The following PRDM16 variants were observed in gnomAD, a reference collection of about 807,000 sequenced individuals.
The protein encoded by PRDM16 is histone-lysine N-methyltransferase PRDM16.
A neutral mutation model predicts 110.6 loss-of-function variants in PRDM16; 23 were observed. The ratio of observed to expected loss-of-function variants is 0.21; its 90% CI spans 0.15 to 0.29. PRDM16 has a LOEUF of 0.29. Among genes scored for constraint, PRDM16 ranks in the 10% least tolerant of loss-of-function variants. The probability of loss-of-function intolerance (pLI) is 1.00; values close to 1 mark genes in which losing one functional copy is unlikely to be tolerated. For synonymous variants in PRDM16, 799 were observed against 781.8 expected, an observed-to-expected ratio of 1.02 and a Z score of -0.37; for missense variants, 1,615 against 1,794.3, an observed-to-expected ratio of 0.90 and a Z score of 1.81.
At chr1:3,136,691 C>T (rs1305928584) in intron 1 of PRDM16, among the ~76,000 whole-genome samples, 1 of 152,146 alleles carries the variant, frequency 6.6e-6, no homozygotes, top group East Asian at 1.9e-4. Context: ...CAGGCATCTC[C>T]TGGCCCCACC....
intron 1 of PRDM16, among the ~76,000 whole-genome samples, chr1:3,178,837 G>T (rs1416464682): frequency 6.6e-6 from 1 of 152,168 alleles, no homozygotes; most frequent in Non-Finnish European, 1.5e-5. Context: ...TACAGGTCTA[G>T]CAAGTCCTCA....
chr1:3,332,678 C>T (rs2483275), intron 3 of PRDM16, among the ~76,000 whole-genome samples: 33,110 of 152,020 alleles, frequency 0.22, 4,548 homozygotes, highest in Middle Eastern at 0.37. Flanking sequence ...TGCCGACTTC[C>T]GAGAGGCTTT....
chr1:3,180,245 C>T (rs564785162), intron 1 of PRDM16, among the ~76,000 whole-genome samples: 2 of 151,844 alleles, frequency 1.3e-5, no homozygotes, highest in Admixed American at 6.6e-5. Flanking sequence ...CAAGGTATCT[C>T]GGAGCCGGGC....
chr1:3,215,600 C>T (rs1297736048), intron 2 of PRDM16, among the ~76,000 whole-genome samples: 5 of 152,210 alleles, frequency 3.3e-5, no homozygotes, highest in Admixed American at 3.3e-4. Context: ...CCCAGAACCC[C>T]ACAGGGGCCC....
At chr1:3,131,537 A>G (rs912291228) in intron 1 of PRDM16, among the ~76,000 whole-genome samples, 1 of 152,256 alleles carries the variant, frequency 6.6e-6, no homozygotes, top group African/African-American at 2.4e-5. Flanking sequence ...AAAAAAATCA[A>G]GTGGACATAA....
intron 3 of PRDM16, among the ~76,000 whole-genome samples, chr1:3,384,714 T>G (rs1292838708): frequency 6.6e-6 from 1 of 152,214 alleles, no homozygotes; most frequent in Non-Finnish European, 1.5e-5. Context: ...CACACACACA[T>G]GCACACCCAG....
intron 10 of PRDM16, among the ~76,000 whole-genome samples, chr1:3,416,251 C>T (rs1167608668): frequency 1.3e-5 from 2 of 152,220 alleles, no homozygotes; most frequent in Admixed American, 1.3e-4. Context: ...GCCCTCTGCT[C>T]CCTACCAGCA....
chr1:3,281,359 A>C (rs1640708383), intron 3 of PRDM16, among the ~76,000 whole-genome samples: 1 of 152,202 alleles, frequency 6.6e-6, no homozygotes, highest in Non-Finnish European at 1.5e-5. Context: ...CGCCCACCCC[A>C]GCCATGGTCA....
intron 2 of PRDM16, among the ~76,000 whole-genome samples, chr1:3,231,328 G>A (rs1424794276): frequency 2.0e-5 from 3 of 150,584 alleles, no homozygotes; most frequent in Admixed American, 1.3e-4. Context: ...TGCACATGCC[G>A]AAAATAGGTG....
In PRDM16 at chr1:3,186,463, T is replaced by G. The variant is rs764416619; in HGVS notation, c.376T>G (p.Phe126Val). 3 of 1,532,826 alleles carry G rather than the reference T, an allele frequency of 2.0e-6. No homozygotes were observed. Among genetic ancestry groups the G allele is most frequent in the South Asian group, 2.5e-5 (2 of 78,960 alleles). The allele number at this position is 1,532,826 out of a possible 1,614,324, so 95.0% of individuals were successfully genotyped here. ...CCGGGCGGCGGCAAAGGAGACAGAC[T>G]TCGGATGGGAGGTGAGCGATCGCGC... ...VPRAAAKETD[F>V]GWEQILTDVE... Residue 126 changes from phenylalanine to valine, a missense_variant, in exon 2 of 17, where the codon TTC becomes GTC. Phe to Val is a conservative substitution (Grantham distance 50). Coordinates refer to ENST00000270722, the MANE Select transcript of PRDM16 (RefSeq NM_022114.4).
intron 14 of PRDM16, among the ~76,000 whole-genome samples, chr1:3,428,782 C>G (rs892119546): frequency 1.1e-4 from 16 of 151,060 alleles, no homozygotes; most frequent in African/African-American, 3.9e-4. Context: ...AGTCCCAGCC[C>G]CCGGTACCTC....
In PRDM16 at chr1:3,135,916, A is replaced by C. The variant is rs559266376; in HGVS notation, c.38-50209A>C. 7.3e-5 allele frequency among the ~76,000 whole-genome samples: 11 copies of C among 149,972 alleles called. No homozygotes were observed. The East Asian group carries it at 2.0e-3, about 27-fold the overall frequency. Reference sequence around the variant, plus strand: ...CAGCCTACAGAGCCTGGGGCTGCAGAGCGGGGCAGGGGCCTCTTGGCGGCC... The same window carrying C: ...CAGCCTACAGAGCCTGGGGCTGCAGCGCGGGGCAGGGGCCTCTTGGCGGCC... On this transcript the variant is annotated intron_variant, in intron 1 of 16. Transcript: ENST00000270722.
Position 3,143,281 on chromosome 1 carries a change from A to T in PRDM16, c.38-42844A>T, listed in dbSNP as rs1234867919. 1.3e-5 allele frequency among the ~76,000 whole-genome samples: 2 copies of T among 151,952 alleles called. No homozygotes were observed. The highest frequency in any genetic ancestry group is 2.9e-5 in the Non-Finnish European group (2 of 67,990). On this transcript the variant is annotated intron_variant, in intron 1 of 16. Transcript: ENST00000270722. The surrounding 1 kb of genome is among the most constrained non-coding windows in gnomAD (Gnocchi z 4.5). ...CGGGACCGTGCCGGGAAGTGTGGAC[A>T]TGGGTCCGGGCTGAGGACTTCGTCA...
intron 8 of PRDM16, among the ~76,000 whole-genome samples, chr1:3,410,628 C>T (rs778828736): frequency 7.9e-5 from 12 of 152,156 alleles, no homozygotes; most frequent in Non-Finnish European, 1.6e-4. Flanking sequence ...GTGCAGGCAG[C>T]AGGATCTGGT....
Position 3,326,813 on chromosome 1 carries a change from G to A in PRDM16, c.439-58339G>A, listed in dbSNP as rs538526759. ...CCGCGTGGCCTGACAGCAGGGGGAG[G>A]CCGCTTTGTCTCAGGGTCAGGAACA... On this transcript the variant is annotated intron_variant, in intron 3 of 16. Transcript: ENST00000270722. Among the ~76,000 whole-genome samples, 30 of 152,348 alleles carry A rather than the reference G, an allele frequency of 2.0e-4. No homozygotes were observed. In the East Asian group the frequency reaches 5.6e-3, roughly 28 times the overall value.
At chr1:3,423,109 A>G (rs1438436470) in intron 12 of PRDM16, among the ~76,000 whole-genome samples, 3 of 152,258 alleles carry the variant, frequency 2.0e-5, no homozygotes, top group Non-Finnish European at 4.4e-5. Flanking sequence ...GCCTTAGGGC[A>G]GCACCAGGGA....
At chr1:3,193,404 C>A (rs1415525107) in intron 2 of PRDM16, among the ~76,000 whole-genome samples, 1 of 152,220 alleles carries the variant, frequency 6.6e-6, no homozygotes, top group Non-Finnish European at 1.5e-5. Context: ...GGGCACCTGC[C>A]AGCCACCAGA....
At chr1:3,123,280 A>G (rs1643134676) in intron 1 of PRDM16, among the ~76,000 whole-genome samples, 1 of 152,240 alleles carries the variant, frequency 6.6e-6, no homozygotes, top group Non-Finnish European at 1.5e-5. Context: ...AGAGGCCCTC[A>G]GGAAAGCCGA....
intron 3 of PRDM16, among the ~76,000 whole-genome samples, chr1:3,313,954 G>A (rs1570049243): frequency 2.0e-5 from 3 of 151,908 alleles, no homozygotes; most frequent in Admixed American, 2.0e-4. Flanking sequence ...ACATCAGTTG[G>A]TTGCAGAGTT....
Sources: gnomAD v4.1 joint callset for allele counts (sites outside exome capture counted in the v4.1 genomes callset) on GRCh38, gnomAD v4.1.1 for gene constraint, Gnocchi (gnomAD v3.1) non-coding constraint, MANE v1.5 for transcripts, NCBI Gene and HGNC (gene_info 2026-07-23, HGNC 2026-07-21) for gene names.